AIG1: variants seen among roughly 807,000 people sequenced by gnomAD.
AIG1 encodes the protein androgen-induced gene 1 protein.
AIG1 carries 23 observed loss-of-function variants against 31.4 expected under a neutral mutation model. That is an observed-to-expected ratio of 0.73 (90% CI 0.53 to 1.04). The LOEUF is 1.04. Among genes scored for constraint, AIG1 ranks in the 50% least tolerant of loss-of-function variants. The probability of loss-of-function intolerance (pLI) is 0.00; values close to 1 mark genes in which losing one functional copy is unlikely to be tolerated. For missense variants in AIG1, 274 were observed against 295.0 expected, an observed-to-expected ratio of 0.93 and a Z score of 0.52; for synonymous variants, 100 against 110.5, an observed-to-expected ratio of 0.90 and a Z score of 0.60.
intron 3 of AIG1, among the ~76,000 whole-genome samples, chr6:143,232,335 CAG>C (rs1354375843): frequency 1.3e-5 from 2 of 152,144 alleles, no homozygotes; most frequent in Non-Finnish European, 2.9e-5. Flanking sequence ...GGTGTTAAGA[CAG>C]AAAGTCTGGC....
In AIG1 at chr6:143,258,360, CAGT is replaced by C. The variant is rs58337394; in HGVS notation, c.400-25747_400-25745del. Among the ~76,000 whole-genome samples, 9,868 of 152,264 alleles carry C rather than the reference CAGT, an allele frequency of 0.065. 728 individuals are homozygous for C. Among genetic ancestry groups the C allele is most frequent in the East Asian group, 0.33 (1,687 of 5,164 alleles). Reference sequence around the variant, plus strand: ...ACCAGCATATTATAATTCAAATCATCAGTAGAATTGTTTGTACTGATTCAGCAA... The same window carrying C: ...ACCAGCATATTATAATTCAAATCATCAGAATTGTTTGTACTGATTCAGCAA... On this transcript the variant is annotated intron_variant, in intron 3 of 5. Coordinates refer to ENST00000357847, the MANE Select transcript of AIG1 (RefSeq NM_016108.4). The surrounding 1 kb of genome is among the most constrained non-coding windows in gnomAD (Gnocchi z 4.7).
At chr6:143,318,525 A>C (rs979085724) in intron 4 of AIG1, among the ~76,000 whole-genome samples, 1 of 152,172 alleles carries the variant, frequency 6.6e-6, no homozygotes, top group African/African-American at 2.4e-5. Flanking sequence ...AAACCATAAA[A>C]ATTTTAGAAG....
chr6:143,304,869 G>A (rs539916759), intron 4 of AIG1, among the ~76,000 whole-genome samples: 102 of 152,236 alleles, frequency 6.7e-4, no homozygotes, highest in African/African-American at 2.3e-3. Flanking sequence ...ACTCTTTTTG[G>A]TTGGTAAGCT....
chr6:143,177,172 T>C (rs1183656097), intron 3 of AIG1, among the ~76,000 whole-genome samples: 1 of 152,274 alleles, frequency 6.6e-6, no homozygotes, highest in East Asian at 1.9e-4. Context: ...TATCTATTTT[T>C]AAAAATTTCT....
chr6:143,342,306 G>T, downstream of AIG1: 1 of 682,918 alleles, frequency 1.5e-6, no homozygotes, highest in Non-Finnish European at 2.7e-6. Flanking sequence ...GGCTCCCCTG[G>T]TGCGCAGCAG....
chr6:143,171,074 G>A (rs1787463868), intron 3 of AIG1, among the ~76,000 whole-genome samples: 1 of 151,786 alleles, frequency 6.6e-6, no homozygotes. Flanking sequence ...TCCAAGTGTT[G>A]GGAGAGATAT....
At chr6:143,209,683 C>A (rs1791436095) in intron 3 of AIG1, among the ~76,000 whole-genome samples, 1 of 152,132 alleles carries the variant, frequency 6.6e-6, no homozygotes, top group Admixed American at 6.5e-5. Flanking sequence ...CCCAGTGAGA[C>A]CCATGTCAGA....
rs773845236 is a variant in AIG1 at position 143,195,435 on chromosome 6, C to T, written c.399+30252C>T. Reference sequence around the variant, plus strand: ...CTGGAGAAATGGGAAACAAAGGAAACGTGACTCAGTGTTATCCTGATAGCT... The same window carrying T: ...CTGGAGAAATGGGAAACAAAGGAAATGTGACTCAGTGTTATCCTGATAGCT... On this transcript the variant is annotated intron_variant, in intron 3 of 5. Coordinates refer to ENST00000357847, the MANE Select transcript of AIG1 (RefSeq NM_016108.4). Among the ~76,000 whole-genome samples the T allele has an allele frequency of 4.6e-5, 7 of 152,134 alleles. No homozygotes were observed. The South Asian group carries it at 6.2e-4, about 13-fold the overall frequency.
chr6:143,282,522 T>G (rs368594719), intron 3 of AIG1, among the ~76,000 whole-genome samples: 1 of 152,288 alleles, frequency 6.6e-6, no homozygotes, highest in African/African-American at 2.4e-5. Context: ...CTAGCACACA[T>G]GTACATTGGC....
At chr6:143,194,404 G>C (rs1790055519) in intron 3 of AIG1, among the ~76,000 whole-genome samples, 1 of 152,168 alleles carries the variant, frequency 6.6e-6, no homozygotes, top group Admixed American at 6.5e-5. Flanking sequence ...ACACGTAGGG[G>C]TTATGGGGAT....
At chr6:143,316,306 G>A (rs1775734610) in intron 4 of AIG1, among the ~76,000 whole-genome samples, 1 of 152,064 alleles carries the variant, frequency 6.6e-6, no homozygotes, top group Non-Finnish European at 1.5e-5. Context: ...TACCAAGAAA[G>A]ATCCCCTTTG....
rs536289966 is a variant in AIG1 at position 143,133,124 on chromosome 6, G to A, written c.142-3711G>A. 8.5e-5 allele frequency among the ~76,000 whole-genome samples: 13 copies of A among 152,122 alleles called. No homozygotes were observed. In the East Asian group the frequency reaches 1.9e-3, roughly 23 times the overall value. Reference sequence around the variant, plus strand: ...TTTTATTGGATGATGGACATTGTGCGCTATGTTGTTGAATGTCTGGAATTT... The same window carrying A: ...TTTTATTGGATGATGGACATTGTGCACTATGTTGTTGAATGTCTGGAATTT... On this transcript the variant is annotated intron_variant, in intron 1 of 5. Transcript: ENST00000357847.
chr6:143,332,239 C>T (rs1269060612), intron 4 of AIG1, among the ~76,000 whole-genome samples: 1 of 152,092 alleles, frequency 6.6e-6, no homozygotes, highest in Non-Finnish European at 1.5e-5. Flanking sequence ...CCTCAGAACA[C>T]ATAAGTATGA....
At chr6:143,060,790 CCGCCCCCGCCCCCGCCCCGCCCCGCCCCG>C (rs2128453162), upstream of AIG1, 1 of 122,190 alleles carries the variant, frequency 8.2e-6, no homozygotes, top group African/African-American at 3.0e-5. Context: ...CGCCCCGCCC[CCGCCCCCGCCCCCGCCCCGCCCCGCCCCG>C]CGCCCGCGCC....
In AIG1 at chr6:143,121,662, T is replaced by A. The variant is rs3804532; in HGVS notation, c.142-15173T>A. The stretch of plus-strand genomic sequence containing the variant: ...CTGACAACTGGTAGAAGGGTCCAGT[T>A]GTGCATGTCTTAACCATTCATAAAC... On this transcript the variant is annotated intron_variant, in intron 1 of 5. Transcript: ENST00000357847. Among the ~76,000 whole-genome samples, 714 of 152,356 alleles carry A rather than the reference T, an allele frequency of 4.7e-3. 19 individuals are homozygous for A. The East Asian group carries it at 0.065, about 14-fold the overall frequency.
At chr6:143,091,639 C>T (rs1779314163) in intron 1 of AIG1, among the ~76,000 whole-genome samples, 1 of 152,140 alleles carries the variant, frequency 6.6e-6, no homozygotes, top group South Asian at 2.1e-4. Context: ...CATAGATGCA[C>T]ATCAATGAAA....
chr6:143,274,966 T>C (rs1281915131), intron 3 of AIG1, among the ~76,000 whole-genome samples: 2 of 152,242 alleles, frequency 1.3e-5, no homozygotes, highest in African/African-American at 4.8e-5. Context: ...TTATTATTGT[T>C]ATTCCATATT....
intron 4 of AIG1, among the ~76,000 whole-genome samples, chr6:143,324,303 T>C (rs1234109250): frequency 6.6e-6 from 1 of 152,254 alleles, no homozygotes; most frequent in East Asian, 1.9e-4. Flanking sequence ...AGACACTTAG[T>C]CTTGCGTTAA....
chr6:143,131,466 G>A (rs1358190829), intron 1 of AIG1, among the ~76,000 whole-genome samples: 1 of 152,158 alleles, frequency 6.6e-6, no homozygotes, highest in African/African-American at 2.4e-5. Context: ...TATCACATGA[G>A]TCTTAAAGGC....
Sources: allele counts gnomAD v4.1 joint callset (sites outside exome capture counted in the v4.1 genomes callset), GRCh38; gene constraint gnomAD v4.1.1; non-coding constraint Gnocchi (gnomAD v3.1); transcripts MANE v1.5; gene names NCBI Gene and HGNC (gene_info 2026-07-23, HGNC 2026-07-21).